The following RAB7A variants were observed in gnomAD, a reference collection of about 807,000 sequenced individuals.
The protein encoded by RAB7A is ras-related protein Rab-7a.
A neutral mutation model predicts 24.5 loss-of-function variants in RAB7A; 2 were observed. The ratio of observed to expected loss-of-function variants is 0.08; its 90% CI spans 0.03 to 0.26. RAB7A has a LOEUF of 0.26. RAB7A is among the 10% of genes least tolerant of loss of function. The pLI, the probability that RAB7A is intolerant of heterozygous loss-of-function variation, is 1.00. For missense variants in RAB7A, 118 were observed against 255.7 expected (o/e 0.46, Z 3.67); for synonymous variants, 100 against 95.9 (o/e 1.04, Z -0.25).
chr3:128,732,049 T>C (rs369520319), intron 1 of RAB7A, among the ~76,000 whole-genome samples: 25 of 149,954 alleles, frequency 1.7e-4, no homozygotes, highest in East Asian at 4.0e-4. Context: ...TTTTTTTTTT[T>C]TCTCTCTCTG....
chr3:128,798,222 G>T (rs1933615150), intron 3 of RAB7A, 153 bp downstream of exon 3: 1 of 924,842 alleles, frequency 1.1e-6, no homozygotes, highest in African/African-American at 1.7e-5. Context: ...TTGAATTTCA[G>T]ATCAATAGTG....
chr3:128,770,085 C>A (rs2070871383), intron 1 of RAB7A, among the ~76,000 whole-genome samples: 1 of 151,922 alleles, frequency 6.6e-6, no homozygotes, highest in Non-Finnish European at 1.5e-5. Flanking sequence ...TTACTGCAAC[C>A]TTTGCCTTCT....
intron 1 of RAB7A, among the ~76,000 whole-genome samples, chr3:128,792,207 C>A (rs1933469550): frequency 6.6e-6 from 1 of 152,130 alleles, no homozygotes; most frequent in African/African-American, 2.4e-5. Flanking sequence ...AACATGAATT[C>A]TATCATGTAG....
chr3:128,806,701 G>T, intron 4 of RAB7A, 111 bp downstream of exon 4: 1 of 1,115,066 alleles, frequency 9.0e-7, no homozygotes, highest in East Asian at 2.5e-5. Flanking sequence ...GCTGGTGGGA[G>T]TCTTCATTAC....
chr3:128,732,360 T>TA (rs2070447605), intron 1 of RAB7A, among the ~76,000 whole-genome samples: 1 of 151,948 alleles, frequency 6.6e-6, no homozygotes, highest in South Asian at 2.1e-4. Flanking sequence ...TTTAAAATGA[T>TA]ACGTCTTTTT....
At chr3:128,745,611 A>G (rs1313136272) in intron 1 of RAB7A, among the ~76,000 whole-genome samples, 3 of 151,774 alleles carry the variant, frequency 2.0e-5, no homozygotes, top group Non-Finnish European at 4.4e-5. Flanking sequence ...AGTGATCCAC[A>G]TGCCTCAGCC....
At chr3:128,750,945 T>C (rs1167694034) in intron 1 of RAB7A, among the ~76,000 whole-genome samples, 1 of 152,218 alleles carries the variant, frequency 6.6e-6, no homozygotes, top group South Asian at 2.1e-4. Context: ...AAGGAGCCAA[T>C]GTAGAGCTCA....
chr3:128,742,864 C>A (rs535292469), intron 1 of RAB7A, among the ~76,000 whole-genome samples: 2 of 152,376 alleles, frequency 1.3e-5, no homozygotes, highest in South Asian at 4.1e-4. Flanking sequence ...GCTGGCTTCG[C>A]CTAGCGGATC....
intron 1 of RAB7A, among the ~76,000 whole-genome samples, chr3:128,734,088 A>G (rs1376612578): frequency 2.0e-5 from 3 of 152,128 alleles, no homozygotes; most frequent in Non-Finnish European, 4.4e-5. Flanking sequence ...AAAACGTGTC[A>G]GTTTGAGACT....
At chr3:128,804,117 C>CG (rs893766879) in intron 3 of RAB7A, among the ~76,000 whole-genome samples, 3 of 150,726 alleles carry the variant, frequency 2.0e-5, no homozygotes, top group African/African-American at 7.4e-5. Context: ...TCCCTGGGCC[C>CG]CCCCCCGCCC....
At chr3:128,736,484 A>G (rs2070490469) in intron 1 of RAB7A, among the ~76,000 whole-genome samples, 1 of 152,202 alleles carries the variant, frequency 6.6e-6, no homozygotes, top group Admixed American at 6.5e-5. Flanking sequence ...AAAGTGGTCA[A>G]AAAGAGCATG....
At chr3:128,792,822 TTTA>T (rs1391440658) in intron 1 of RAB7A, among the ~76,000 whole-genome samples, 27 of 25,008 alleles carry the variant, frequency 1.1e-3, no homozygotes, top group Non-Finnish European at 4.9e-4. Context: ...CTAATTTTTA[TTTA>T]TTTATTTATT....
intron 1 of RAB7A, among the ~76,000 whole-genome samples, chr3:128,746,305 C>A (rs1203232576): frequency 6.6e-6 from 1 of 152,024 alleles, no homozygotes; most frequent in Non-Finnish European, 1.5e-5. Flanking sequence ...CAGAGTCTTG[C>A]TGTGTTACCC....
chr3:128,743,660 A>ATACAGCC (rs2070579061), intron 1 of RAB7A, among the ~76,000 whole-genome samples: 1 of 152,216 alleles, frequency 6.6e-6, no homozygotes, highest in Non-Finnish European at 1.5e-5. Flanking sequence ...TCTGAACAAA[A>ATACAGCC]TCAAGAAAGA....
intron 1 of RAB7A, among the ~76,000 whole-genome samples, chr3:128,790,065 T>G (rs1481148960): frequency 1.3e-5 from 2 of 152,242 alleles, no homozygotes; most frequent in African/African-American, 4.8e-5. Context: ...AATGCTGGGA[T>G]TACAGGCATG....
At chr3:128,743,841 G>A (rs935868900) in intron 1 of RAB7A, among the ~76,000 whole-genome samples, 2 of 150,266 alleles carry the variant, frequency 1.3e-5, no homozygotes, top group African/African-American at 2.5e-5. Flanking sequence ...CCAGGCTGGA[G>A]TGTAGTGGCA....
intron 1 of RAB7A, among the ~76,000 whole-genome samples, chr3:128,765,369 C>T (rs2070820798): frequency 6.6e-6 from 1 of 152,176 alleles, no homozygotes; most frequent in African/African-American, 2.4e-5. Context: ...TACCCATACT[C>T]TTACTAAATC....
At chr3:128,785,652 T>C (rs1933321421) in intron 1 of RAB7A, among the ~76,000 whole-genome samples, 1 of 148,340 alleles carries the variant, frequency 6.7e-6, no homozygotes, top group African/African-American at 2.5e-5. Flanking sequence ...TTCGGGAGGC[T>C]GAGACAGAGT....
intron 2 of RAB7A, among the ~76,000 whole-genome samples, chr3:128,797,666 AAAT>A (rs1933605309): frequency 6.6e-6 from 1 of 152,228 alleles, no homozygotes; most frequent in South Asian, 2.1e-4. Context: ...AGAATGGAAA[AAAT>A]AATACTAGGC....
Sources: gnomAD v4.1 joint callset for allele counts (sites outside exome capture counted in the v4.1 genomes callset) on GRCh38, gnomAD v4.1.1 for gene constraint, MANE v1.5 for transcripts, NCBI Gene and HGNC (gene_info 2026-07-23, HGNC 2026-07-21) for gene names.